ZSWIM4: variants seen among roughly 807,000 people sequenced by gnomAD.
The protein encoded by ZSWIM4 is zinc finger SWIM-type containing 4.
ZSWIM4 carries 62 observed loss-of-function variants against 102.5 expected under a neutral mutation model. That is an observed-to-expected ratio of 0.60 (90% CI 0.49 to 0.75). The LOEUF (loss-of-function observed/expected upper bound fraction) is 0.75, where lower values mean the gene tolerates loss of function less well. Ranked by LOEUF, ZSWIM4 falls within the 30% of genes least tolerant of loss-of-function variation. The probability of loss-of-function intolerance (pLI) is 0.00; values close to 1 mark genes in which losing one functional copy is unlikely to be tolerated. For missense variants in ZSWIM4, 1,280 were observed against 1,529.6 expected (o/e 0.84, Z 2.72); for synonymous variants, 652 against 674.5 (o/e 0.97, Z 0.52).
Position 13,831,110 on chromosome 19 carries a change from T to C in ZSWIM4, c.*60T>C. ...TCGCCCCTGCGTCCCCCACCCTTGC[T>C]CTCCAATTAGGCCCACGTGGCATTT... On this transcript the variant is annotated 3_prime_UTR_variant, in exon 14 of 14. Coordinates refer to ENST00000590508, the MANE Select transcript of ZSWIM4 (RefSeq NM_001367834.3). 6.6e-7 allele frequency: 1 copy of C among 1,505,034 alleles called. No individual in the cohort carries two copies. The highest frequency in any genetic ancestry group is 8.8e-7 in the Non-Finnish European group (1 of 1,134,530). The allele number at this position is 1,505,034 out of a possible 1,614,324, so 93.2% of individuals were successfully genotyped here.
rs772867927 is a variant in ZSWIM4 at position 13,830,693 on chromosome 19, C to T, written c.2964C>T (p.Arg988=). ...ELSAIVPLII[R]SIHCAPMLSD... is the part of the protein sequence containing the mutation. ...CTGCCATCGTCCCCCTCATCATTCGCAGCATCCACTGTGCCCCAATGCTGT... is the reference window on the plus strand; with the variant it reads ...CTGCCATCGTCCCCCTCATCATTCGTAGCATCCACTGTGCCCCAATGCTGT... Residue 988 remains arginine (R), a synonymous_variant, in exon 14 of 14, where the codon CGC becomes CGT. Transcript: ENST00000590508. The T allele has an allele frequency of 5.6e-6, 9 of 1,606,452 alleles. No homozygotes were observed. The Admixed American group carries it at 1.5e-4, about 27-fold the overall frequency.
chr19:13,822,111 C>A (rs892635428), intron 10 of ZSWIM4, among the ~76,000 whole-genome samples: 5 of 151,202 alleles, frequency 3.3e-5, no homozygotes, highest in Non-Finnish European at 7.4e-5. Flanking sequence ...TGGCCTCAAG[C>A]GACCCTCTCG....
chr19:13,807,572 A>ATGGT (rs1306560947), intron 3 of ZSWIM4, among the ~76,000 whole-genome samples: 1 of 124,210 alleles, frequency 8.1e-6, no homozygotes, highest in Non-Finnish European at 1.6e-5. Context: ...TTTGGGCAAG[A>ATGGT]TGGATGGATG....
In ZSWIM4 at chr19:13,817,303, C is replaced by T. The variant is rs1361208739; in HGVS notation, c.1619C>T (p.Ala540Val). 5 of 1,613,938 alleles carry T rather than the reference C, an allele frequency of 3.1e-6. No homozygotes were observed. The highest frequency in any genetic ancestry group is 3.3e-5 in the Admixed American group (2 of 59,992). ...GACCCCATTGGCTGCCTCTGCAGGG[C>T]GCTCCTGGAGGCCTGTCGTCTGGAG... is the stretch of plus-strand genomic sequence containing the variant. Reference protein sequence around the residue: ...PLDPIGCLCRALLEACRLEEE... With the variant: ...PLDPIGCLCRVLLEACRLEEE... Residue 540 changes from alanine to valine, a missense_variant, in exon 8 of 14, where the codon GCG becomes GTG. Ala to Val is a moderately conservative substitution (Grantham distance 64). Coordinates refer to ENST00000590508, the MANE Select transcript of ZSWIM4 (RefSeq NM_001367834.3).
In ZSWIM4 at chr19:13,809,242, G is replaced by A; in HGVS notation, c.1012+22G>A. ...CTGGGTGAGGCCCAAACCCCGGTGC[G>A]TGGTGGACACCGGGACTTCGGCTCC... On this transcript the variant is annotated intron_variant, in intron 5 of 13. Transcript: ENST00000590508. This position sits in a 1 kb window ranked among gnomAD's most constrained non-coding sequence, Gnocchi z 4.2. The A allele has an allele frequency of 6.3e-7, 1 of 1,578,376 alleles. No individual in the cohort carries two copies. The highest frequency in any genetic ancestry group is 8.6e-7 in the Non-Finnish European group (1 of 1,161,570).
chr19:13,798,315 C>CTG (rs147267493), intron 1 of ZSWIM4, among the ~76,000 whole-genome samples: 57 of 151,012 alleles, frequency 3.8e-4, no homozygotes, highest in Non-Finnish European at 5.2e-4. Flanking sequence ...ATTTTTAATT[C>CTG]TGTGTGTGTG....
chr19:13,822,717 C>T (rs747052689), intron 10 of ZSWIM4, among the ~76,000 whole-genome samples: 2 of 152,120 alleles, frequency 1.3e-5, no homozygotes, highest in East Asian at 1.9e-4. Context: ...CCATGGTTCA[C>T]GCCTATAATC....
At chr19:13,824,691 C>T (rs185602610) in intron 11 of ZSWIM4, among the ~76,000 whole-genome samples, 13 of 151,696 alleles carry the variant, frequency 8.6e-5, no homozygotes, top group African/African-American at 2.7e-4. Flanking sequence ...GAGACTGCAC[C>T]GTTGCACTCC....
At chr19:13,803,363 C>T (rs898675772) in intron 2 of ZSWIM4, among the ~76,000 whole-genome samples, 2 of 152,210 alleles carry the variant, frequency 1.3e-5, no homozygotes, top group African/African-American at 4.8e-5. Context: ...CCAAGCGCCA[C>T]GGGTCTTTGG....
At chr19:13,805,815 A>G (rs1034169302) in intron 3 of ZSWIM4, among the ~76,000 whole-genome samples, 2 of 151,628 alleles carry the variant, frequency 1.3e-5, no homozygotes, top group African/African-American at 2.4e-5. Context: ...CTACCAAAAT[A>G]TAAAAATTAG....
At chr19:13,807,782 G>C (rs1012446998) in intron 3 of ZSWIM4, among the ~76,000 whole-genome samples, 1 of 151,542 alleles carries the variant, frequency 6.6e-6, no homozygotes, top group Non-Finnish European at 1.5e-5. Context: ...TGGATGGATG[G>C]ATGGATGGAT....
chr19:13,823,399 T>C lies in ZSWIM4; in HGVS notation c.2114T>C (p.Leu705Pro). Residue 705 changes from leucine to proline, a missense_variant, in exon 11 of 14, where the codon CTG becomes CCG. Leu to Pro is a moderately conservative substitution (Grantham distance 98). Transcript: ENST00000590508. ...FPAGEPHPSP[L>P]DSIMSNRFPR... ...GCTGGAGAACCTCATCCCAGCCCGC[T>C]GGACTCCATCATGAGCAACCGCTTC... is the stretch of plus-strand genomic sequence containing the variant. 2 of 1,613,848 alleles carry C rather than the reference T, an allele frequency of 1.2e-6. No homozygotes were observed. Among genetic ancestry groups the C allele is most frequent in the South Asian group, 1.1e-5 (1 of 90,988 alleles).
rs1265018724 is a variant in ZSWIM4 at position 13,830,470 on chromosome 19, C to T, written c.2741C>T (p.Ala914Val). The T allele has an allele frequency of 2.5e-6, 4 of 1,603,242 alleles. No homozygotes were observed. Among genetic ancestry groups the T allele is most frequent in the Non-Finnish European group, 2.5e-6 (3 of 1,179,714 alleles). Residue 914 changes from alanine (A) to valine (V), a missense_variant, in exon 14 of 14, where the codon GCC becomes GTC. By Grantham distance (64) the Ala-to-Val change is moderately conservative (BLOSUM62 0). Coordinates refer to ENST00000590508, the MANE Select transcript of ZSWIM4 (RefSeq NM_001367834.3). ...AAYQIVLDAA[A>V]GGLGHAHLFT... ...TACCAGATCGTGCTGGACGCGGCGG[C>T]CGGCGGCCTGGGCCACGCCCACCTC...
intron 5 of ZSWIM4, among the ~76,000 whole-genome samples, chr19:13,810,303 C>CT (rs921509903): frequency 9.7e-5 from 13 of 134,140 alleles, no homozygotes; most frequent in East Asian, 4.6e-4. Flanking sequence ...GGCCTGTTTT[C>CT]TTTTTTTGAC....
chr19:13,830,281 C>T lies in ZSWIM4; in HGVS notation c.2552C>T (p.Thr851Ile). The T allele has an allele frequency of 1.2e-6, 2 of 1,613,938 alleles. No homozygotes were observed. Among genetic ancestry groups the T allele is most frequent in the South Asian group, 1.1e-5 (1 of 91,092 alleles). ...ACCATCGTGGCAGTGACGGGCACCA[C>T]ACACGCCACTCTGCTGCGACTGCAG... ...AATIVAVTGT[T>I]HATLLRLQLD... Residue 851 changes from threonine (T) to isoleucine (I), a missense_variant, in exon 14 of 14, where the codon ACA (threonine) becomes ATA (isoleucine). Physicochemically the swap from Thr to Ile is moderately conservative, Grantham distance 89 (BLOSUM62 -1). Transcript: ENST00000590508.
intron 7 of ZSWIM4, among the ~76,000 whole-genome samples, chr19:13,815,962 A>G (rs1275574267): frequency 6.8e-5 from 10 of 147,436 alleles, no homozygotes; most frequent in Non-Finnish European, 1.3e-4. Flanking sequence ...AAAAAAAAAA[A>G]AGAGAGAGAG....
In ZSWIM4 at chr19:13,795,766, G is replaced by A; in HGVS notation, c.118G>A (p.Ala40Thr). The change falls in exon 1 of 14, where the codon GCC becomes ACC. Residue 40 changes from alanine to threonine, a missense_variant. Coordinates refer to ENST00000590508, the MANE Select transcript of ZSWIM4 (RefSeq NM_001367834.3). ...GRPEALLDLS[A>T]KRVAESWAFE... ...GCCCGAGGCGCTGCTGGACCTCAGC[G>A]CCAAGCGGGTAGCCGAGAGCTGGGC... The A allele has an allele frequency of 8.0e-7, 1 of 1,246,228 alleles. No individual in the cohort carries two copies. Among genetic ancestry groups the A allele is most frequent in the Non-Finnish European group, 1.0e-6 (1 of 994,764 alleles). The allele number at this position is 1,246,228 out of a possible 1,614,324, so 77.2% of individuals were successfully genotyped here.
At position 13,831,162 on chromosome 19, in the gene ZSWIM4, C is replaced by A; in HGVS notation, c.*112C>A. On this transcript the variant is annotated 3_prime_UTR_variant, in exon 14 of 14. Transcript: ENST00000590508. ...AGTATTATTAAGTCAGGGAAGGAGCCCGGCTGGAGATGGGGGCAGGGGGAG... is the reference window on the plus strand; with the variant it reads ...AGTATTATTAAGTCAGGGAAGGAGCACGGCTGGAGATGGGGGCAGGGGGAG... The A allele has an allele frequency of 7.1e-7, 1 of 1,401,648 alleles. No homozygotes were observed. Among genetic ancestry groups the A allele is most frequent in the Non-Finnish European group, 9.5e-7 (1 of 1,052,744 alleles). The allele number at this position is 1,401,648 out of a possible 1,614,324, so 86.8% of individuals were successfully genotyped here.
intron 1 of ZSWIM4, among the ~76,000 whole-genome samples, chr19:13,798,636 A>G (rs1334687603): frequency 6.6e-6 from 1 of 152,104 alleles, no homozygotes; most frequent in Non-Finnish European, 1.5e-5. Context: ...TTACATCCAT[A>G]CTGCATATTT....
Sources: gnomAD v4.1 joint callset for allele counts (sites outside exome capture counted in the v4.1 genomes callset) on GRCh38, gnomAD v4.1.1 for gene constraint, Gnocchi (gnomAD v3.1) non-coding constraint, MANE v1.5 for transcripts, NCBI Gene and HGNC (gene_info 2026-07-23, HGNC 2026-07-21) for gene names.